Variants in KIAA1328 observed in about 807,000 individuals in gnomAD.
KIAA1328 encodes protein hinderin.
In KIAA1328, 52 loss-of-function variants were observed where a neutral mutation model predicts 68.1. The ratio of observed to expected loss-of-function variants is 0.76; its 90% CI spans 0.61 to 0.96. The LOEUF (loss-of-function observed/expected upper bound fraction) is 0.96. Ranked by LOEUF, KIAA1328 falls within the 40% of genes least tolerant of loss-of-function variation. The probability of loss-of-function intolerance (pLI) is 0.00; values close to 1 mark genes in which losing one functional copy is unlikely to be tolerated. For synonymous variants in KIAA1328, 232 were observed against 239.4 expected, an observed-to-expected ratio of 0.97 and a Z score of 0.28; for missense variants, 641 against 677.6, an observed-to-expected ratio of 0.95 and a Z score of 0.60.
At chr18:37,161,383 T>G (rs1191617447) in intron 8 of KIAA1328, among the ~76,000 whole-genome samples, 1 of 152,214 alleles carries the variant, frequency 6.6e-6, no homozygotes, top group Non-Finnish European at 1.5e-5. Flanking sequence ...TAGAAATTGT[T>G]TAATCCTCTT....
At chr18:36,883,784 A>T (rs1601132371) in intron 4 of KIAA1328, among the ~76,000 whole-genome samples, 1 of 151,986 alleles carries the variant, frequency 6.6e-6, no homozygotes, top group Non-Finnish European at 1.5e-5. Context: ...CTGTAGTCTC[A>T]TGCCAAATTT....
chr18:37,055,304 A>G (rs1320977057), intron 6 of KIAA1328, among the ~76,000 whole-genome samples: 2 of 152,246 alleles, frequency 1.3e-5, no homozygotes, highest in Admixed American at 6.5e-5. Context: ...AAGGCCATGG[A>G]TGATGCCAGG....
chr18:36,845,363 A>G (rs1257862879), intron 4 of KIAA1328, among the ~76,000 whole-genome samples: 1 of 151,720 alleles, frequency 6.6e-6, no homozygotes, highest in Non-Finnish European at 1.5e-5. Flanking sequence ...TTGTGAGGCT[A>G]TTACTACATA....
downstream of KIAA1328, chr18:37,229,518 T>A (rs965862898): frequency 1.6e-6 from 2 of 1,246,882 alleles, no homozygotes; most frequent in African/African-American, 3.1e-5. Flanking sequence ...ACTCAGAAAC[T>A]GGGGTGGGAG....
At chr18:37,111,280 T>C (rs1031632628) in intron 7 of KIAA1328, among the ~76,000 whole-genome samples, 4 of 152,222 alleles carry the variant, frequency 2.6e-5, no homozygotes, top group African/African-American at 9.6e-5. Context: ...TTTTTCATTT[T>C]TCAGGAAAGC....
At chr18:37,129,585 A>G (rs1437406465) in intron 7 of KIAA1328, among the ~76,000 whole-genome samples, 1 of 152,220 alleles carries the variant, frequency 6.6e-6, no homozygotes, top group African/African-American at 2.4e-5. Context: ...TAGAGAGCCT[A>G]TTTGACCCTA....
At chr18:37,153,624 CTTTTTTTTTTT>C (rs772159270) in intron 7 of KIAA1328, among the ~76,000 whole-genome samples, 2 of 95,676 alleles carry the variant, frequency 2.1e-5, no homozygotes, top group South Asian at 3.3e-4. Flanking sequence ...AATCCAATAG[CTTTTTTTTTTT>C]TTTTTTTTTT....
In KIAA1328 at chr18:37,222,200, G is replaced by A. The variant is rs779924940; in HGVS notation, c.1707G>A (p.Gln569=). The A allele has an allele frequency of 1.9e-6, 3 of 1,575,358 alleles. No individual in the cohort carries two copies. ...HRTPEELEEN[Q]ILEDIFFI is the part of the protein sequence containing the mutation. ...CCCCTGAAGAGTTGGAGGAGAATCA[G>A]ATTCTGGAAGATATATTTTTCATTT... The change falls in exon 10 of 10, where the codon CAG becomes CAA. Residue 569 remains glutamine (Q), a synonymous_variant. Coordinates refer to ENST00000280020, the MANE Select transcript of KIAA1328 (RefSeq NM_020776.3).
intron 7 of KIAA1328, among the ~76,000 whole-genome samples, chr18:37,110,294 A>G (rs1199439810): frequency 6.6e-6 from 1 of 152,236 alleles, no homozygotes; most frequent in Non-Finnish European, 1.5e-5. Context: ...ATATTTGTAC[A>G]TTAGGTATTT....
At chr18:37,095,164 T>C (rs998114583) in intron 7 of KIAA1328, among the ~76,000 whole-genome samples, 2 of 152,194 alleles carry the variant, frequency 1.3e-5, no homozygotes, top group Non-Finnish European at 2.9e-5. Flanking sequence ...ACTTTCAGCA[T>C]TGAAAAGATC....
At position 37,094,573 on chromosome 18, in the gene KIAA1328, T is replaced by C. The variant is rs77456452; in HGVS notation, c.1232+27028T>C. Among the ~76,000 whole-genome samples, 1,010 of 151,872 alleles carry C rather than the reference T, an allele frequency of 6.7e-3. 15 individuals carry two copies. The highest frequency in any genetic ancestry group is 0.023 in the African/African-American group (959 of 41,400). On this transcript the variant is annotated intron_variant, in intron 7 of 9. Transcript: ENST00000280020. ...GTATAACAGTCACTAATGAAGCAGA[T>C]ACACAAATGAGGAACAAAAGGTGCC...
At chr18:36,880,239 C>T (rs573710704) in intron 4 of KIAA1328, among the ~76,000 whole-genome samples, 1 of 152,266 alleles carries the variant, frequency 6.6e-6, no homozygotes, top group African/African-American at 2.4e-5. Context: ...CAGCACCATC[C>T]CTCATGGCAC....
chr18:37,142,602 T>TAC (rs142803247), intron 7 of KIAA1328, among the ~76,000 whole-genome samples: 204 of 150,214 alleles, frequency 1.4e-3, no homozygotes, highest in Middle Eastern at 6.8e-3. Context: ...GTTGAATGTG[T>TAC]ACACACACAC....
chr18:36,916,287 CTTAGA>C (rs1299606432), intron 5 of KIAA1328, among the ~76,000 whole-genome samples: 31 of 151,926 alleles, frequency 2.0e-4, no homozygotes, highest in Non-Finnish European at 3.8e-4. Flanking sequence ...CTTTCTGTTT[CTTAGA>C]TTAGATGATG....
At chr18:37,022,227 C>G (rs1226503334) in intron 6 of KIAA1328, among the ~76,000 whole-genome samples, 2 of 151,964 alleles carry the variant, frequency 1.3e-5, no homozygotes, top group Non-Finnish European at 2.9e-5. Context: ...GTCCATTTCT[C>G]TTTTAGTCTG....
At chr18:37,137,025 A>C (rs1460277916) in intron 7 of KIAA1328, among the ~76,000 whole-genome samples, 1 of 152,192 alleles carries the variant, frequency 6.6e-6, no homozygotes, top group African/African-American at 2.4e-5. Context: ...AAGATATTTT[A>C]ATTAATGAAA....
At chr18:37,003,051 A>G (rs2053648712) in intron 6 of KIAA1328, among the ~76,000 whole-genome samples, 1 of 152,074 alleles carries the variant, frequency 6.6e-6, no homozygotes, top group Non-Finnish European at 1.5e-5. Flanking sequence ...TCAGCCAAGT[A>G]TACAACCGAT....
intron 7 of KIAA1328, among the ~76,000 whole-genome samples, chr18:37,128,337 G>A (rs1281936985): frequency 1.3e-5 from 2 of 152,084 alleles, no homozygotes; most frequent in Admixed American, 1.3e-4. Flanking sequence ...AGCTGGGTGT[G>A]GTGGTGCACA....
intron 7 of KIAA1328, among the ~76,000 whole-genome samples, chr18:37,153,421 G>A (rs2059081082): frequency 6.6e-6 from 1 of 152,010 alleles, no homozygotes; most frequent in Admixed American, 6.6e-5. Flanking sequence ...GTTGGAGAAA[G>A]GATATATCTA....
Sources: gnomAD v4.1 joint callset for allele counts (sites outside exome capture counted in the v4.1 genomes callset) on GRCh38, gnomAD v4.1.1 for gene constraint, MANE v1.5 for transcripts, NCBI Gene and HGNC (gene_info 2026-07-23, HGNC 2026-07-21) for gene names.